MYORG: variants seen among roughly 807,000 people sequenced by gnomAD.
MYORG encodes myogenesis regulating glycosidase, also known as alpha-galactosidase MYORG.
A neutral mutation model predicts 49.8 loss-of-function variants in MYORG; 45 were observed. That is an observed-to-expected ratio of 0.90 (90% CI 0.71 to 1.16). MYORG has a LOEUF of 1.16. MYORG is among the 50% of genes most tolerant of loss of function. MYORG has a pLI of 0.00. For synonymous variants in MYORG, 552 were observed against 462.9 expected, an observed-to-expected ratio of 1.19 and a Z score of -2.47; for missense variants, 1,110 against 1,026.5, an observed-to-expected ratio of 1.08 and a Z score of -1.11.
chr9:34,371,814 A>G lies in MYORG; in HGVS notation c.1130T>C (p.Phe377Ser), dbSNP rs770121709. The stretch of plus-strand genomic sequence containing the variant: ...GAAGCCGGCGTCGCGCAGGCGGCGG[A>G]ACATGTCGCTGGCGTTGGGGAATTT... ...EVKFPNASDM[F>S]RRLRDAGFRV... The change falls in exon 2 of 2, where the codon TTC (phenylalanine) becomes TCC (serine). Residue 377 changes from phenylalanine to serine, a missense_variant. Phe to Ser is a radical substitution (Grantham distance 155, BLOSUM62 -2). Transcript: ENST00000297625. 2.5e-6 allele frequency: 4 copies of G among 1,613,902 alleles called. No individual in the cohort carries two copies. The highest frequency in any genetic ancestry group is 1.3e-5 in the African/African-American group (1 of 74,954).
At chr9:34,373,380 G>C (rs1210126641) in intron 1 of MYORG, among the ~76,000 whole-genome samples, 1 of 152,160 alleles carries the variant, frequency 6.6e-6, no homozygotes, top group Non-Finnish European at 1.5e-5. Context: ...GACGGGAAAG[G>C]AACTAGAAAA....
chr9:34,370,580 G>C lies in MYORG; in HGVS notation c.*219C>G. ...ATTGGTGTGAGTGTGGGGGTGGAAAGGGCACAGTAAGGATTGTGCGTTGGA... is the reference window on the plus strand; with the variant it reads ...ATTGGTGTGAGTGTGGGGGTGGAAACGGCACAGTAAGGATTGTGCGTTGGA... On this transcript the variant is annotated 3_prime_UTR_variant, in exon 2 of 2. Coordinates refer to ENST00000297625, the MANE Select transcript of MYORG (RefSeq NM_020702.5). 9.4e-6 allele frequency: 7 copies of C among 744,396 alleles called. No homozygotes were observed. The highest frequency in any genetic ancestry group is 1.4e-5 in the Non-Finnish European group (7 of 495,162). The allele number at this position is 744,396 out of a possible 1,614,324, so 46.1% of individuals were successfully genotyped here.
chr9:34,372,082 C>A lies in MYORG; in HGVS notation c.862G>T (p.Asp288Tyr), dbSNP rs747044196. ...ATGTACTTGTGGATGGAGGTGACGT[C>A]TGAGCCCACGCACACTCGGTAGCTC... ...ELSYRVCVGS[D>Y]VTSIHKYMVR... is the part of the protein sequence containing the mutation. The change falls in exon 2 of 2, where the codon GAC (aspartate) becomes TAC (tyrosine). Residue 288 changes from aspartate (D) to tyrosine (Y), a missense_variant. Asp to Tyr is a radical substitution (Grantham distance 160, BLOSUM62 -3). Coordinates refer to ENST00000297625, the MANE Select transcript of MYORG (RefSeq NM_020702.5). The A allele has an allele frequency of 1.2e-6, 2 of 1,613,542 alleles. No homozygotes were observed. Among genetic ancestry groups the A allele is most frequent in the Non-Finnish European group, 1.7e-6 (2 of 1,179,874 alleles).
rs764400174 is a variant in MYORG at position 34,371,362 on chromosome 9, C to G, written c.1582G>C (p.Asp528His). ...GGGATGAGTGAGCGCAACCCCAGGT[C>G]GTAGCCCCACACAGAGTCGCGATCC... is the stretch of plus-strand genomic sequence containing the variant. ...LVDRDSVWGY[D>H]LGLRSLIPAV... The change falls in exon 2 of 2, where the codon GAC becomes CAC. Residue 528 changes from aspartate to histidine, a missense_variant. Coordinates refer to ENST00000297625, the MANE Select transcript of MYORG (RefSeq NM_020702.5). 6.2e-7 allele frequency: 1 copy of G among 1,613,058 alleles called. No individual in the cohort carries two copies. The highest frequency in any genetic ancestry group is 1.7e-5 in the Admixed American group (1 of 59,960).
chr9:34,371,122 C>A lies in MYORG; in HGVS notation c.1822G>T (p.Ala608Ser), dbSNP rs756647735. 20 of 1,607,266 alleles carry A rather than the reference C, an allele frequency of 1.2e-5. No individual in the cohort carries two copies. In the East Asian group the frequency reaches 4.5e-4, roughly 36 times the overall value. The change falls in exon 2 of 2, where the codon GCC becomes TCC. Residue 608 changes from alanine (A) to serine (S), a missense_variant. Coordinates refer to ENST00000297625, the MANE Select transcript of MYORG (RefSeq NM_020702.5). ...AEVVAIAQKF[A>S]ALRASLVAPL... The stretch of plus-strand genomic sequence containing the variant: ...GCCACAAGCGAGGCCCGCAGGGCGG[C>A]GAACTTCTGCGCGATGGCCACCACT...
In MYORG at chr9:34,372,917, G is replaced by C; in HGVS notation, c.27C>G (p.Ser9Arg). The C allele has an allele frequency of 6.2e-7, 1 of 1,613,834 alleles. No individual in the cohort carries two copies. The highest frequency in any genetic ancestry group is 8.5e-7 in the Non-Finnish European group (1 of 1,179,868). MLQNPQEK[S>R]QAYPRRRRPG... is the part of the protein sequence containing the mutation. Reference sequence around the variant, plus strand: ...GCCGGCGGCGGCGGGGGTAGGCCTGGCTCTTCTCCTGAGGGTTCTGGAGCA... The same window carrying C: ...GCCGGCGGCGGCGGGGGTAGGCCTGCCTCTTCTCCTGAGGGTTCTGGAGCA... Residue 9 changes from serine to arginine, a missense_variant, in exon 2 of 2, where the codon AGC becomes AGG. Physicochemically the swap from Ser to Arg is moderately radical, Grantham distance 110. Transcript: ENST00000297625.
rs975959398 is a variant in MYORG at position 34,369,934 on chromosome 9, C to T, written c.*865G>A. The T allele has an allele frequency of 6.6e-6, 1 of 152,302 alleles. No homozygotes were observed. The highest frequency in any genetic ancestry group is 2.4e-5 in the African/African-American group (1 of 41,446). 9.4% of individuals were successfully genotyped at this position (152,302 alleles called of 1,614,324 possible). ...GAGCCTCAAATTTGCTCCATGCCCC[C>T]TTCCTCCAGATCATCCAGCCTCAGA... On this transcript the variant is annotated 3_prime_UTR_variant, in exon 2 of 2. Coordinates refer to ENST00000297625, the MANE Select transcript of MYORG (RefSeq NM_020702.5).
rs1453284120 is a variant in MYORG at position 34,370,668 on chromosome 9, T to G, written c.*131A>C. On this transcript the variant is annotated 3_prime_UTR_variant, in exon 2 of 2. Transcript: ENST00000297625. ...CCTTCAGCAGCTGGTTCCAGCACAT[T>G]TAAGTCAGCAGCCACTTAATGGGTG... The G allele has an allele frequency of 1.3e-5, 18 of 1,423,628 alleles. No homozygotes were observed. Among genetic ancestry groups the G allele is most frequent in the Non-Finnish European group, 1.7e-5 (18 of 1,080,826 alleles). The allele number at this position is 1,423,628 out of a possible 1,614,324, so 88.2% of individuals were successfully genotyped here.
At chr9:34,375,298 C>A (rs1349407710) in intron 1 of MYORG, among the ~76,000 whole-genome samples, 1 of 152,186 alleles carries the variant, frequency 6.6e-6, no homozygotes, top group African/African-American at 2.4e-5. Flanking sequence ...TAGGCACTTC[C>A]CACACGGTGC....
chr9:34,372,978 C>T lies in MYORG; in HGVS notation c.-35G>A. Reference sequence around the variant, plus strand: ...GCTAAGAAAGGAGCGGGCCGTGGGGCCATCTGACTGAGTTCATCTCAACCT... The same window carrying T: ...GCTAAGAAAGGAGCGGGCCGTGGGGTCATCTGACTGAGTTCATCTCAACCT... On this transcript the variant is annotated 5_prime_UTR_variant, in exon 2 of 2. An upstream open reading frame in the 5' UTR gains an earlier in-frame stop. Transcript: ENST00000297625. 1.3e-6 allele frequency: 2 copies of T among 1,598,134 alleles called. No homozygotes were observed. The highest frequency in any genetic ancestry group is 1.7e-6 in the Non-Finnish European group (2 of 1,170,138).
chr9:34,371,858 G>A lies in MYORG; in HGVS notation c.1086C>T (p.Asp362=). The A allele has an allele frequency of 6.2e-7, 1 of 1,614,072 alleles. No individual in the cohort carries two copies. Among genetic ancestry groups the A allele is most frequent in the Non-Finnish European group, 8.5e-7 (1 of 1,179,896 alleles). Residue 362 remains aspartate, a synonymous_variant, in exon 2 of 2, where the codon GAC becomes GAT. Coordinates refer to ENST00000297625, the MANE Select transcript of MYORG (RefSeq NM_020702.5). ...IDDMYTPAYG[D]FDFDEVKFPN... ...GGAATTTGACCTCATCGAAGTCGAAGTCGCCATAAGCAGGTGTGTACATGT... is the reference window on the plus strand; with the variant it reads ...GGAATTTGACCTCATCGAAGTCGAAATCGCCATAAGCAGGTGTGTACATGT...
At position 34,372,716 on chromosome 9, in the gene MYORG, G is replaced by A. The variant is rs771977253; in HGVS notation, c.228C>T (p.Cys76=). Residue 76 remains cysteine, a synonymous_variant, in exon 2 of 2, where the codon TGC becomes TGT. Transcript: ENST00000297625. ...LLVLAAVVAW[C]YYSVSLRKAE... is the part of the protein sequence containing the mutation. Reference sequence around the variant, plus strand: ...CCTTGCGTAGGGAGACGCTGTAGTAGCACCAGGCCACCACCGCGGCCAGCA... The same window carrying A: ...CCTTGCGTAGGGAGACGCTGTAGTAACACCAGGCCACCACCGCGGCCAGCA... The A allele has an allele frequency of 9.3e-6, 15 of 1,612,982 alleles. No individual in the cohort carries two copies. Among genetic ancestry groups the A allele is most frequent in the South Asian group, 2.2e-5 (2 of 91,016 alleles).
intron 1 of MYORG, among the ~76,000 whole-genome samples, chr9:34,373,803 G>T (rs918221403): frequency 2.6e-5 from 4 of 152,298 alleles, no homozygotes; most frequent in South Asian, 2.1e-4. Flanking sequence ...GTCCCCAGAG[G>T]GGGAGAGGAG....
chr9:34,372,971 C>T lies in MYORG; in HGVS notation c.-28G>A, dbSNP rs775660830. ...GTGGGCTGCTAAGAAAGGAGCGGGC[C>T]GTGGGGCCATCTGACTGAGTTCATC... On this transcript the variant is annotated 5_prime_UTR_variant, in exon 2 of 2. Transcript: ENST00000297625. The T allele has an allele frequency of 2.5e-6, 4 of 1,602,534 alleles. No individual in the cohort carries two copies. The highest frequency in any genetic ancestry group is 3.4e-6 in the Non-Finnish European group (4 of 1,172,494).
Position 34,372,745 on chromosome 9 carries a change from G to A in MYORG, c.199C>T (p.Leu67Phe), listed in dbSNP as rs531504090. 53 of 1,613,746 alleles carry A rather than the reference G, an allele frequency of 3.3e-5. No homozygotes were observed. In the South Asian group the frequency reaches 5.5e-4, roughly 17 times the overall value. Reference protein sequence around the residue: ...LLGSAVLGLLLVLAAVVAWCY... With the variant: ...LLGSAVLGLLFVLAAVVAWCY... ...CAGGCCACCACCGCGGCCAGCACAA[G>A]CAGCAGCCCCAGAACCGCGGAGCCC... Residue 67 changes from leucine to phenylalanine, a missense_variant, in exon 2 of 2, where the codon CTT becomes TTT. Physicochemically the swap from Leu to Phe is conservative, Grantham distance 22. Coordinates refer to ENST00000297625, the MANE Select transcript of MYORG (RefSeq NM_020702.5).
chr9:34,369,786 C>T lies in MYORG; in HGVS notation c.*1013G>A, dbSNP rs1257170168. ...ACCACCAGAGTAAGAACATCACTCC[C>T]TTCTAGGCCACACCCCAGGCACATG... On this transcript the variant is annotated 3_prime_UTR_variant, in exon 2 of 2. Transcript: ENST00000297625. 1 of 152,266 alleles carries T rather than the reference C, an allele frequency of 6.6e-6. No individual in the cohort carries two copies. Among genetic ancestry groups the T allele is most frequent in the African/African-American group, 2.4e-5 (1 of 41,430 alleles). The allele number at this position is 152,266 out of a possible 1,614,324, so 9.4% of individuals were successfully genotyped here.
In MYORG at chr9:34,371,529, C is replaced by G; in HGVS notation, c.1415G>C (p.Arg472Pro). Residue 472 changes from arginine (R) to proline (P), a missense_variant, in exon 2 of 2, where the codon CGG (arginine) becomes CCG (proline). Transcript: ENST00000297625. ...CAGCGGCCGGTAGGTGCTGAAGTCC[C>G]GCGGCAGGTAGCTGACCTCGCCCGC... Reference protein sequence around the residue: ...FDAGEVSYLPRDFSTYRPLPD... With the variant: ...FDAGEVSYLPPDFSTYRPLPD... The G allele has an allele frequency of 1.9e-6, 3 of 1,607,516 alleles. No homozygotes were observed. Among genetic ancestry groups the G allele is most frequent in the South Asian group, 1.1e-5 (1 of 90,950 alleles).
In MYORG at chr9:34,371,507, C is replaced by T. The variant is rs770659459; in HGVS notation, c.1437G>A (p.Pro479=). Residue 479 remains proline, a synonymous_variant, in exon 2 of 2, where the codon CCG becomes CCA. Transcript: ENST00000297625. ...YLPRDFSTYR[P]LPDPSVWSRR... Reference sequence around the variant, plus strand: ...GGCTCCAGACGCTGGGGTCCGGCAGCGGCCGGTAGGTGCTGAAGTCCCGCG... The same window carrying T: ...GGCTCCAGACGCTGGGGTCCGGCAGTGGCCGGTAGGTGCTGAAGTCCCGCG... 8 of 1,609,824 alleles carry T rather than the reference C, an allele frequency of 5.0e-6. No homozygotes were observed. Among genetic ancestry groups the T allele is most frequent in the Non-Finnish European group, 6.8e-6 (8 of 1,179,602 alleles).
In MYORG at chr9:34,368,658, C is replaced by T. The variant is rs1820536442; in HGVS notation, c.*2141G>A. The T allele has an allele frequency of 6.6e-6, 1 of 152,418 alleles. No homozygotes were observed. Among genetic ancestry groups the T allele is most frequent in the African/African-American group, 2.4e-5 (1 of 41,442 alleles). The allele number at this position is 152,418 out of a possible 1,614,324, so 9.4% of individuals were successfully genotyped here. ...TCATCGCTATCTGAGACCAACTCAG[C>T]CTGGATTTCATGTCCCAATCATTAT... On this transcript the variant is annotated 3_prime_UTR_variant, in exon 2 of 2. Coordinates refer to ENST00000297625, the MANE Select transcript of MYORG (RefSeq NM_020702.5).
Sources: allele counts gnomAD v4.1 joint callset (sites outside exome capture counted in the v4.1 genomes callset), GRCh38; gene constraint gnomAD v4.1.1; transcripts MANE v1.5; gene names NCBI Gene and HGNC (gene_info 2026-07-23, HGNC 2026-07-21).